ERBB4: variants seen among roughly 807,000 people sequenced by gnomAD.
ERBB4 encodes erb-b2 receptor tyrosine kinase 4, also known as receptor tyrosine-protein kinase erbB-4.
In ERBB4, 42 loss-of-function variants were observed where a neutral mutation model predicts 158.0. That is an observed-to-expected ratio of 0.27 (90% CI 0.21 to 0.34). The LOEUF (loss-of-function observed/expected upper bound fraction) is 0.34, where lower values mean the gene tolerates loss of function less well. Among genes scored for constraint, ERBB4 ranks in the 10% least tolerant of loss-of-function variants. ERBB4 has a pLI of 1.00. For synonymous variants in ERBB4, 583 were observed against 558.7 expected, an observed-to-expected ratio of 1.04 and a Z score of -0.61; for missense variants, 1,333 against 1,624.1, an observed-to-expected ratio of 0.82 and a Z score of 3.08.
In ERBB4 at chr2:211,562,221, G is replaced by T; in HGVS notation, c.2302-133C>A. ...TCAATGGAATCAATCAAAATGAAAA[G>T]ACATAATTTCAGTTATTCTATCTTT... On this transcript the variant is annotated intron_variant, in intron 19 of 27. Coordinates refer to ENST00000342788, the MANE Select transcript of ERBB4 (RefSeq NM_005235.3). The T allele has an allele frequency of 4.0e-6, 3 of 747,456 alleles. No individual in the cohort carries two copies. In the East Asian group the frequency reaches 8.0e-5, roughly 20 times the overall value. The allele number at this position is 747,456 out of a possible 1,614,324, so 46.3% of individuals were successfully genotyped here.
chr2:212,192,122 T>TTA (rs199771641), intron 1 of ERBB4, among the ~76,000 whole-genome samples: 24,295 of 140,226 alleles, frequency 0.17, 2,563 homozygotes, highest in Non-Finnish European at 0.21. Flanking sequence ...ATTATATATA[T>TTA]TATGTGTTAT....
chr2:211,720,915 G>C (rs1271407379), intron 7 of ERBB4, among the ~76,000 whole-genome samples: 1 of 152,128 alleles, frequency 6.6e-6, no homozygotes, highest in African/African-American at 2.4e-5. Flanking sequence ...CTTACCTGGA[G>C]GGATAGCTGC....
chr2:211,880,906 A>T (rs1047719112), intron 3 of ERBB4, among the ~76,000 whole-genome samples: 4 of 152,196 alleles, frequency 2.6e-5, no homozygotes, highest in African/African-American at 9.6e-5. Flanking sequence ...ATTGAAGAGG[A>T]CCAACAATTT....
intron 19 of ERBB4, among the ~76,000 whole-genome samples, chr2:211,574,882 A>G (rs2067843900): frequency 6.6e-6 from 1 of 152,200 alleles, no homozygotes; most frequent in Non-Finnish European, 1.5e-5. Context: ...GAAGTCACAT[A>G]TTAAAGAATT....
At chr2:211,542,631 T>G (rs2066839798) in intron 20 of ERBB4, among the ~76,000 whole-genome samples, 1 of 151,978 alleles carries the variant, frequency 6.6e-6, no homozygotes. Context: ...TTTAGAGAAT[T>G]GAGAATATTA....
chr2:211,922,365 A>T (rs576435527), intron 3 of ERBB4, among the ~76,000 whole-genome samples: 1 of 152,304 alleles, frequency 6.6e-6, no homozygotes, highest in South Asian at 2.1e-4. Flanking sequence ...TGTCTAAATG[A>T]TTCTAATATC....
At chr2:212,412,357 A>G (rs2091523929) in intron 1 of ERBB4, among the ~76,000 whole-genome samples, 1 of 152,148 alleles carries the variant, frequency 6.6e-6, no homozygotes, top group African/African-American at 2.4e-5. Flanking sequence ...TTCCCTCATG[A>G]ATGGCTTAAT....
chr2:212,336,875 G>T (rs1208035086), intron 1 of ERBB4, among the ~76,000 whole-genome samples: 1 of 151,970 alleles, frequency 6.6e-6, no homozygotes, highest in African/African-American at 2.4e-5. Context: ...TGACTTGAAG[G>T]TTCTAATAAA....
At chr2:211,523,454 T>C (rs59466711) in intron 20 of ERBB4, among the ~76,000 whole-genome samples, 18,348 of 151,088 alleles carry the variant, frequency 0.12, 1,900 homozygotes, top group African/African-American at 0.29. Context: ...GGTGGACCCT[T>C]GCGGTGAGTG....
chr2:212,147,284 C>A (rs74901575), intron 1 of ERBB4, among the ~76,000 whole-genome samples: 1 of 146,018 alleles, frequency 6.8e-6, no homozygotes, highest in African/African-American at 2.5e-5. Flanking sequence ...GGACTACAGG[C>A]GTGAGTCATG....
intron 2 of ERBB4, among the ~76,000 whole-genome samples, chr2:211,965,588 T>C (rs1240355906): frequency 1.3e-5 from 2 of 152,152 alleles, no homozygotes; most frequent in Non-Finnish European, 2.9e-5. Flanking sequence ...AATTTTTTTA[T>C]GTGCTAAGGT....
rs185404411 is a variant in ERBB4, at chr2:211,783,407, G to A, written c.556+4618C>T. 2.7e-3 allele frequency among the ~76,000 whole-genome samples: 415 copies of A among 152,292 alleles called. 3 individuals carry two copies. Among genetic ancestry groups the A allele is most frequent in the African/African-American group, 9.4e-3 (391 of 41,564 alleles). ...TGGCCAGAACTTCCAACACTGTATT[G>A]AATAGGAGTGGTGAGAGAGGGCATC... On this transcript the variant is annotated intron_variant, in intron 4 of 27. Transcript: ENST00000342788.
chr2:211,676,178 C>A (rs1432780322), intron 13 of ERBB4, among the ~76,000 whole-genome samples: 1 of 152,122 alleles, frequency 6.6e-6, no homozygotes, highest in Non-Finnish European at 1.5e-5. Flanking sequence ...AAGAAACTAG[C>A]CCATACCACA....
intron 1 of ERBB4, among the ~76,000 whole-genome samples, chr2:212,446,637 A>ATC (rs2092363279): frequency 2.0e-5 from 2 of 99,352 alleles, no homozygotes; most frequent in African/African-American, 3.6e-5. Context: ...ATATATATAT[A>ATC]TCCTATTAGT....
intron 1 of ERBB4, among the ~76,000 whole-genome samples, chr2:212,425,685 C>A (rs1343756597): frequency 6.6e-6 from 1 of 151,862 alleles, no homozygotes; most frequent in South Asian, 2.1e-4. Context: ...TCTCCCTCTT[C>A]CCTTCTTGGT....
rs202135721 is a variant in ERBB4 at position 211,630,507 on chromosome 2, C to G, written c.2034G>C (p.Lys678Asn). Residue 678 changes from lysine to asparagine, a missense_variant, in exon 17 of 28, where the codon AAG becomes AAC. Physicochemically the swap from Lys to Asn is moderately conservative, Grantham distance 94. This residue lies in a region of ERBB4 where 314 missense variants were observed against 437.6 expected (regional missense o/e 0.72). Transcript: ENST00000342788. ...GLTFAVYVRR[K>N]SIKKKRALRR... ...TCAAGGCTCTTTTCTTTTTGATGCT[C>G]TTCCTTCTAACATAAACAGCAAATG... 2 of 1,613,280 alleles carry G rather than the reference C, an allele frequency of 1.2e-6. No individual in the cohort carries two copies. The highest frequency in any genetic ancestry group is 1.7e-6 in the Non-Finnish European group (2 of 1,179,408).
At chr2:212,053,971 A>T (rs1032311751) in intron 2 of ERBB4, among the ~76,000 whole-genome samples, 4 of 152,192 alleles carry the variant, frequency 2.6e-5, no homozygotes, top group African/African-American at 7.2e-5. Context: ...GTATATGGGG[A>T]TAAATATGAT....
rs181618326 is a variant in ERBB4, at chr2:212,345,516, A to G, written c.82+192933T>C. On this transcript the variant is annotated intron_variant, in intron 1 of 27. Transcript: ENST00000342788. ...TGGCTTAATTTGGGCAAAGCTTTAAAAAATGGAGAAACTACCTAGACTTTA... is the reference window on the plus strand; with the variant it reads ...TGGCTTAATTTGGGCAAAGCTTTAAGAAATGGAGAAACTACCTAGACTTTA... Among the ~76,000 whole-genome samples the G allele has an allele frequency of 2.5e-4, 38 of 152,072 alleles. 1 individual carries two copies. The highest frequency in any genetic ancestry group is 8.2e-4 in the African/African-American group (34 of 41,430).
intron 17 of ERBB4, among the ~76,000 whole-genome samples, chr2:211,627,315 T>C (rs2069897703): frequency 6.6e-6 from 1 of 152,258 alleles, no homozygotes; most frequent in Non-Finnish European, 1.5e-5. Context: ...TTCATTCACA[T>C]GTGCAAGATT....
Sources: allele counts gnomAD v4.1 joint callset (sites outside exome capture counted in the v4.1 genomes callset), GRCh38; gene constraint gnomAD v4.1.1; regional missense constraint gnomAD v4.1.1; transcripts MANE v1.5; gene names NCBI Gene and HGNC (gene_info 2026-07-23, HGNC 2026-07-21).